MLLT1: variants seen among roughly 807,000 people sequenced by gnomAD.
MLLT1 encodes protein ENL.
Under a neutral mutation model 55.1 loss-of-function variants are expected in MLLT1, and 11 were observed. The observed-to-expected ratio is 0.20, with a 90% CI of 0.13 to 0.33. MLLT1 has a LOEUF of 0.33. Ranked by LOEUF, MLLT1 falls within the 10% of genes least tolerant of loss-of-function variation. MLLT1 has a pLI of 1.00. For synonymous variants in MLLT1, 323 were observed against 320.1 expected, an observed-to-expected ratio of 1.01 and a Z score of -0.10; for missense variants, 536 against 760.6, an observed-to-expected ratio of 0.70 and a Z score of 3.47.
Position 6,222,306 on chromosome 19 carries a change from G to A in MLLT1, c.925C>T (p.Arg309Trp), listed in dbSNP as rs151080263. 4.4e-5 allele frequency: 71 copies of A among 1,597,526 alleles called. No individual in the cohort carries two copies. The Middle Eastern group carries it at 6.7e-4, about 15-fold the overall frequency. ...CGGGGCGAGGTGCCTGGAGCACTCC[G>A]GGACCCCTTCGAGCTGCTCTTCTTC... ...KQKKSSSKGS[R>W]SAPGTSPRTS... Residue 309 changes from arginine (R) to tryptophan (W), a missense_variant, in exon 6 of 12, where the codon CGG becomes TGG. Physicochemically the swap from Arg to Trp is moderately radical, Grantham distance 101. Transcript: ENST00000252674. The surrounding 1 kb of genome is among the most constrained non-coding windows in gnomAD (Gnocchi z 4.1).
rs566508657 is a variant in MLLT1 at position 6,227,959 on chromosome 19, A to C, written c.421-857T>G. ...AAAAAAGTATTGAAGTCGGTAGAAG[A>C]AGCACTGCTAACAGCCTTGAGCACC... On this transcript the variant is annotated intron_variant, in intron 4 of 11. Transcript: ENST00000252674. This position sits in a 1 kb window ranked among gnomAD's most constrained non-coding sequence, Gnocchi z 5.1. 3.2e-4 allele frequency among the ~76,000 whole-genome samples: 48 copies of C among 152,324 alleles called. No individual in the cohort carries two copies. The highest frequency in any genetic ancestry group is 9.4e-4 in the African/African-American group (39 of 41,580).
chr19:6,268,716 G>A (rs2091369298), intron 2 of MLLT1, among the ~76,000 whole-genome samples: 1 of 152,128 alleles, frequency 6.6e-6, no homozygotes. Context: ...CAGACAGACA[G>A]CAACAAACAG....
intron 9 of MLLT1, 51 bp from the exon 10 acceptor site, chr19:6,213,848 C>T (rs763420200): frequency 2.5e-6 from 4 of 1,595,058 alleles, no homozygotes; most frequent in Middle Eastern, 1.7e-4. Context: ...CCTCCCCAGC[C>T]CCGAAGGCCC....
intron 3 of MLLT1, among the ~76,000 whole-genome samples, chr19:6,234,324 G>A (rs2091040174): frequency 6.6e-6 from 1 of 152,252 alleles, no homozygotes; most frequent in Admixed American, 6.5e-5. Flanking sequence ...TCCGGAGGTG[G>A]AGGAGGGTTT....
In MLLT1 at chr19:6,215,546, G is replaced by A. The variant is rs143060383; in HGVS notation, c.1307+859C>T. 2.7e-4 allele frequency among the ~76,000 whole-genome samples: 41 copies of A among 152,320 alleles called. 1 individual carries two copies. Among genetic ancestry groups the A allele is most frequent in the Middle Eastern group, 3.4e-3 (1 of 294 alleles). Reference sequence around the variant, plus strand: ...CGCCATGTGCCTGCTGGCCTGGCGCGCTGCACACGGGGAACCAAGCAGAAC... The same window carrying A: ...CGCCATGTGCCTGCTGGCCTGGCGCACTGCACACGGGGAACCAAGCAGAAC... On this transcript the variant is annotated intron_variant, in intron 8 of 11. Coordinates refer to ENST00000252674, the MANE Select transcript of MLLT1 (RefSeq NM_005934.4).
At chr19:6,263,438 C>G (rs2091321619) in intron 2 of MLLT1, 1 of 152,534 alleles carries the variant, frequency 6.6e-6, no homozygotes, top group Non-Finnish European at 1.5e-5. Context: ...GAAACAGACC[C>G]CATGTCCCTC....
chr19:6,268,514 T>C (rs2091367743), intron 2 of MLLT1, among the ~76,000 whole-genome samples: 1 of 152,200 alleles, frequency 6.6e-6, no homozygotes, highest in South Asian at 2.1e-4. Context: ...TTCTACCCTA[T>C]TTGATTTGTG....
intron 3 of MLLT1, among the ~76,000 whole-genome samples, chr19:6,257,152 G>C (rs1248500227): frequency 1.3e-5 from 2 of 152,232 alleles, no homozygotes; most frequent in African/African-American, 4.8e-5. Context: ...CCAAAGGTGT[G>C]AGCGACAAGA....
intron 3 of MLLT1, among the ~76,000 whole-genome samples, chr19:6,253,157 C>A (rs998434265): frequency 6.8e-6 from 1 of 147,292 alleles, no homozygotes; most frequent in African/African-American, 2.5e-5. Context: ...CCCAGCTACT[C>A]GGGAGGCTGA....
chr19:6,276,309 A>G (rs563716836), intron 1 of MLLT1, among the ~76,000 whole-genome samples: 1 of 152,204 alleles, frequency 6.6e-6, no homozygotes, highest in East Asian at 1.9e-4. Context: ...GGAGCAGCCG[A>G]GTTGCAGGAG....
At chr19:6,274,757 A>T (rs1039851108) in intron 1 of MLLT1, among the ~76,000 whole-genome samples, 2 of 152,220 alleles carry the variant, frequency 1.3e-5, no homozygotes, top group African/African-American at 4.8e-5. Context: ...TGTCCCGGAA[A>T]GAGCTGTCCG....
At chr19:6,224,817 C>T (rs1197682036) in intron 5 of MLLT1, among the ~76,000 whole-genome samples, 1 of 152,150 alleles carries the variant, frequency 6.6e-6, no homozygotes, top group Non-Finnish European at 1.5e-5. Context: ...GCAAGCTCCG[C>T]CTCCCGGGTT....
chr19:6,216,052 C>G (rs1408220420), intron 8 of MLLT1, among the ~76,000 whole-genome samples: 2 of 152,140 alleles, frequency 1.3e-5, no homozygotes, highest in African/African-American at 4.8e-5. Flanking sequence ...GGCCCAAGAG[C>G]AGAGAAACAG....
rs1568271874 is a variant in MLLT1, at chr19:6,212,281, C to T, written c.*761G>A. On this transcript the variant is annotated 3_prime_UTR_variant, in exon 12 of 12. Coordinates refer to ENST00000252674, the MANE Select transcript of MLLT1 (RefSeq NM_005934.4). ...CCCCGGGAGCCCCGGTAGGAGGCGGCGGCATCCTTGGAACGGCAAAGGGAG... is the reference window on the plus strand; with the variant it reads ...CCCCGGGAGCCCCGGTAGGAGGCGGTGGCATCCTTGGAACGGCAAAGGGAG... The T allele has an allele frequency of 1.0e-5, 11 of 1,065,230 alleles. No individual in the cohort carries two copies. In the South Asian group the frequency reaches 2.3e-4, roughly 22 times the overall value. The allele number at this position is 1,065,230 out of a possible 1,614,324, so 66.0% of individuals were successfully genotyped here.
chr19:6,278,566 G>T lies in MLLT1; in HGVS notation c.12+1207C>A, dbSNP rs144037971. Among the ~76,000 whole-genome samples the T allele has an allele frequency of 7.8e-3, 1,193 of 152,256 alleles. 14 individuals carry two copies. Among genetic ancestry groups the T allele is most frequent in the Non-Finnish European group, 0.013 (866 of 68,028 alleles). The stretch of plus-strand genomic sequence containing the variant: ...ATCAGGACTCATCAGGCTGATGGGC[G>T]TTAGATGAAGTGGGAGATCCTGAAG... On this transcript the variant is annotated intron_variant, in intron 1 of 11. Transcript: ENST00000252674.
At chr19:6,257,941 C>T (rs554630950) in intron 3 of MLLT1, among the ~76,000 whole-genome samples, 3 of 152,260 alleles carry the variant, frequency 2.0e-5, no homozygotes, top group East Asian at 3.9e-4. Flanking sequence ...CAACAGTTAC[C>T]GCTCTATACC....
chr19:6,244,043 CAA>C (rs1179461309), intron 3 of MLLT1, among the ~76,000 whole-genome samples: 18 of 45,198 alleles, frequency 4.0e-4, no homozygotes, highest in South Asian at 7.3e-4. Context: ...GACTCCACCT[CAA>C]AAAAAAAAAA....
rs143211039 is a variant in MLLT1, at chr19:6,270,951, T to C, written c.13-192A>G. Among the ~76,000 whole-genome samples the C allele has an allele frequency of 2.2e-3, 341 of 152,240 alleles. 3 individuals carry two copies. The highest frequency in any genetic ancestry group is 8.0e-3 in the African/African-American group (331 of 41,540). On this transcript the variant is annotated intron_variant, in intron 1 of 11. Transcript: ENST00000252674. This position sits in a 1 kb window ranked among gnomAD's most constrained non-coding sequence, Gnocchi z 7.1. ...GACGTCCCGTGCCTTCTCCCCTCCG[T>C]ACTCCCACACAGACCCCGTGTCTCC... is the stretch of plus-strand genomic sequence containing the variant.
At position 6,230,720 on chromosome 19, in the gene MLLT1, CAG is replaced by C. The variant is rs764477862; in HGVS notation, c.277-9_277-8del. 8 of 1,613,932 alleles carry C rather than the reference CAG, an allele frequency of 5.0e-6. No homozygotes were observed. The highest frequency in any genetic ancestry group is 1.1e-5 in the South Asian group (1 of 91,080). ...AGACCTTCCTCGGCTCCTCCTGAAA[CAG>C]AGAAAACAAGAAAGTCTGCATCAGA... is the stretch of plus-strand genomic sequence containing the variant. On this transcript the variant is annotated splice_region_variant and splice_polypyrimidine_tract_variant and intron_variant, in intron 3 of 11. Coordinates refer to ENST00000252674, the MANE Select transcript of MLLT1 (RefSeq NM_005934.4). This position sits in a 1 kb window ranked among gnomAD's most constrained non-coding sequence, Gnocchi z 9.0.
Sources: allele counts gnomAD v4.1 joint callset (sites outside exome capture counted in the v4.1 genomes callset), GRCh38; gene constraint gnomAD v4.1.1; non-coding constraint Gnocchi (gnomAD v3.1); transcripts MANE v1.5; gene names NCBI Gene and HGNC (gene_info 2026-07-23, HGNC 2026-07-21).